TENM2: variants seen among roughly 807,000 people sequenced by gnomAD.
TENM2 encodes the protein teneurin transmembrane protein 2.
TENM2 carries 52 observed loss-of-function variants against 245.2 expected under a neutral mutation model. The ratio of observed to expected loss-of-function variants is 0.21; its 90% CI spans 0.17 to 0.27. TENM2 has a LOEUF of 0.27. Ranked by LOEUF, TENM2 falls within the 10% of genes least tolerant of loss-of-function variation. The pLI, the probability that TENM2 is intolerant of heterozygous loss-of-function variation, is 1.00. For synonymous variants in TENM2, 1,363 were observed against 1,438.9 expected (o/e 0.95, Z 1.19); for missense variants, 3,046 against 3,666.8 (o/e 0.83, Z 4.37).
chr5:167,732,857 T>C (rs996163131), intron 2 of TENM2, among the ~76,000 whole-genome samples: 5 of 152,204 alleles, frequency 3.3e-5, no homozygotes, highest in African/African-American at 4.8e-5. Flanking sequence ...TTGAAGATGT[T>C]TCCTTGTTCA....
chr5:167,707,780 C>T (rs536482480), intron 2 of TENM2, among the ~76,000 whole-genome samples: 1 of 152,298 alleles, frequency 6.6e-6, no homozygotes, highest in East Asian at 1.9e-4. Context: ...CACATAGAAA[C>T]ATCTGAACAT....
At chr5:168,060,778 T>C (rs2152090545) in intron 6 of TENM2, among the ~76,000 whole-genome samples, 1 of 152,272 alleles carries the variant, frequency 6.6e-6, no homozygotes, top group African/African-American at 2.4e-5. Flanking sequence ...TGAAAGACCT[T>C]CAGAGACCAA....
chr5:167,381,856 A>C (rs1291720743), intron 2 of TENM2, among the ~76,000 whole-genome samples: 1 of 152,192 alleles, frequency 6.6e-6, no homozygotes, highest in East Asian at 1.9e-4. Context: ...CTCCATCTGC[A>C]AAGTGGGTTT....
intron 2 of TENM2, among the ~76,000 whole-genome samples, chr5:167,470,952 G>A (rs1766988095): frequency 6.6e-6 from 1 of 152,168 alleles, no homozygotes; most frequent in Non-Finnish European, 1.5e-5. Flanking sequence ...AAGGGTCTGT[G>A]TTCTTTCTCT....
At chr5:167,799,475 T>C (rs1315996150) in intron 2 of TENM2, among the ~76,000 whole-genome samples, 2 of 152,206 alleles carry the variant, frequency 1.3e-5, no homozygotes, top group Non-Finnish European at 2.9e-5. Flanking sequence ...TCTTTTAAAA[T>C]AAGTGCATCT....
At chr5:167,939,432 T>C (rs1310600160) in intron 3 of TENM2, among the ~76,000 whole-genome samples, 2 of 152,218 alleles carry the variant, frequency 1.3e-5, no homozygotes, top group African/African-American at 4.8e-5. Flanking sequence ...TACTGGCCTG[T>C]GTCCCAGGGG....
chr5:167,830,334 TCTG>T (rs1228504139), intron 2 of TENM2, among the ~76,000 whole-genome samples: 1 of 152,242 alleles, frequency 6.6e-6, no homozygotes, highest in East Asian at 1.9e-4. Flanking sequence ...TATCATTTTT[TCTG>T]CTTTCTTTTT....
chr5:167,328,441 C>T (rs775555515), intron 1 of TENM2, among the ~76,000 whole-genome samples: 4 of 152,038 alleles, frequency 2.6e-5, no homozygotes, highest in Admixed American at 6.5e-5. Flanking sequence ...GTGATCTACC[C>T]GCGTTGGCCT....
At chr5:167,303,678 A>G (rs775484876) in intron 1 of TENM2, among the ~76,000 whole-genome samples, 4 of 152,206 alleles carry the variant, frequency 2.6e-5, no homozygotes, top group Non-Finnish European at 4.4e-5. Context: ...GAGGCCTGAC[A>G]GTGGGTCTGT....
the TENM2 span, among the ~76,000 whole-genome samples, chr5:167,186,339 T>A: frequency 2.0e-5 from 3 of 152,182 alleles, no homozygotes; most frequent in Admixed American, 2.0e-4. Context: ...ACTTCTGACC[T>A]TTGTGACCCA....
At chr5:167,316,402 T>C (rs1302178073) in intron 1 of TENM2, among the ~76,000 whole-genome samples, 2 of 152,148 alleles carry the variant, frequency 1.3e-5, no homozygotes, top group African/African-American at 4.8e-5. Flanking sequence ...GCAGATGCAG[T>C]ATTGGGGCCA....
intron 2 of TENM2, among the ~76,000 whole-genome samples, chr5:167,434,218 G>A (rs1357392274): frequency 6.6e-6 from 1 of 151,602 alleles, no homozygotes. Flanking sequence ...TCAGGAGTTC[G>A]AGACCAGCCT....
chr5:167,941,252 T>C (rs143869222), intron 3 of TENM2, among the ~76,000 whole-genome samples: 1 of 152,294 alleles, frequency 6.6e-6, no homozygotes, highest in East Asian at 1.9e-4. Context: ...AAATGGGGGC[T>C]GATGTTTACC....
intron 2 of TENM2, among the ~76,000 whole-genome samples, chr5:167,501,787 A>AT (rs1432283697): frequency 6.6e-6 from 1 of 152,114 alleles, no homozygotes; most frequent in African/African-American, 2.4e-5. Flanking sequence ...CCTCTACCTT[A>AT]TTTTTTGGTG....
At position 168,023,180 on chromosome 5, in the gene TENM2, G is replaced by A. The variant is rs544631006; in HGVS notation, c.1187-24247G>A. Among the ~76,000 whole-genome samples, 9 of 152,310 alleles carry A rather than the reference G, an allele frequency of 5.9e-5. No homozygotes were observed. The South Asian group carries it at 1.9e-3, about 32-fold the overall frequency. On this transcript the variant is annotated intron_variant, in intron 5 of 28. Transcript: ENST00000518659. ...GCCTTTGTTTAGAAATATGAACTTC[G>A]AAACCCTGCTGCAGAGAGTGTCGGC... is the stretch of plus-strand genomic sequence containing the variant.
chr5:168,068,340 AGAG>A (rs546914301), intron 7 of TENM2, among the ~76,000 whole-genome samples: 29 of 152,190 alleles, frequency 1.9e-4, no homozygotes, highest in Non-Finnish European at 4.1e-4. Context: ...ATATTTAGAC[AGAG>A]GAGAGTCTTG....
the TENM2 span, among the ~76,000 whole-genome samples, chr5:167,046,590 C>A: frequency 1.3e-5 from 2 of 152,196 alleles, no homozygotes; most frequent in Non-Finnish European, 2.9e-5. Context: ...CCAGCAACCA[C>A]AAGGTCAGTG....
the TENM2 span, among the ~76,000 whole-genome samples, chr5:167,172,431 G>A: frequency 7.2e-5 from 11 of 152,056 alleles, no homozygotes; most frequent in Admixed American, 1.3e-4. Context: ...ATTAAGGGTC[G>A]TTTTGCCTAA....
the TENM2 span, among the ~76,000 whole-genome samples, chr5:167,239,934 G>A: frequency 2.0e-5 from 3 of 152,058 alleles, no homozygotes; most frequent in South Asian, 2.1e-4. Context: ...CACCATGCTC[G>A]GCTACTTTTT....
Sources: allele counts gnomAD v4.1 joint callset (sites outside exome capture counted in the v4.1 genomes callset), GRCh38; gene constraint gnomAD v4.1.1; transcripts MANE v1.5; gene names NCBI Gene and HGNC (gene_info 2026-07-23, HGNC 2026-07-21).